The following CADM1 variants were observed in gnomAD, a reference collection of about 807,000 sequenced individuals.
The protein encoded by CADM1 is TSLC-1.
In CADM1, 15 loss-of-function variants were observed where a neutral mutation model predicts 53.1. The ratio of observed to expected loss-of-function variants is 0.28; its 90% confidence interval spans 0.19 to 0.44. CADM1 has a LOEUF of 0.44. Ranked by LOEUF, CADM1 falls within the 20% of genes least tolerant of loss-of-function variation. The pLI is 1.00. For synonymous variants in CADM1, 281 were observed against 243.0 expected, an observed-to-expected ratio of 1.16 and a Z score of -1.45; for missense variants, 434 against 611.3, an observed-to-expected ratio of 0.71 and a Z score of 3.06.
chr11:115,430,772 G>A (rs1345779735), intron 1 of CADM1, among the ~76,000 whole-genome samples: 4 of 151,982 alleles, frequency 2.6e-5, no homozygotes, highest in South Asian at 2.1e-4. Context: ...TGTATAGCAC[G>A]GTTGACAGCT....
chr11:115,344,570 C>T (rs1945528501), intron 1 of CADM1, among the ~76,000 whole-genome samples: 1 of 152,138 alleles, frequency 6.6e-6, no homozygotes, highest in South Asian at 2.1e-4. Flanking sequence ...TCCACTGAGG[C>T]CAGACAAAAC....
At chr11:115,207,287 A>G (rs1444670051) in intron 8 of CADM1, 1 of 152,198 alleles carries the variant, frequency 6.6e-6, no homozygotes, top group Non-Finnish European at 1.5e-5. Flanking sequence ...CATCTATGAG[A>G]TCATCTTACA....
At chr11:115,451,919 G>C (rs947189016) in intron 1 of CADM1, among the ~76,000 whole-genome samples, 1 of 151,710 alleles carries the variant, frequency 6.6e-6, no homozygotes, top group African/African-American at 2.4e-5. Context: ...GGGGCTGGAG[G>C]GGAAAAAAAA....
At chr11:115,291,309 C>A (rs1004092117) in intron 1 of CADM1, among the ~76,000 whole-genome samples, 1 of 152,134 alleles carries the variant, frequency 6.6e-6, no homozygotes, top group Admixed American at 6.5e-5. Flanking sequence ...GAATTTCTTT[C>A]TCCAGAGGCT....
intron 3 of CADM1, among the ~76,000 whole-genome samples, chr11:115,237,778 T>C (rs189706249): frequency 3.3e-5 from 5 of 152,172 alleles, no homozygotes; most frequent in Non-Finnish European, 7.3e-5. Flanking sequence ...CATAGAAATA[T>C]CTGCTGACTA....
At chr11:115,295,344 T>G (rs1166343413) in intron 1 of CADM1, among the ~76,000 whole-genome samples, 1 of 151,472 alleles carries the variant, frequency 6.6e-6, no homozygotes, top group African/African-American at 2.4e-5. Flanking sequence ...TCACTTGCCC[T>G]GCCTTTGTAC....
chr11:115,191,980 T>A (rs1043367732), intron 9 of CADM1, among the ~76,000 whole-genome samples: 4 of 152,230 alleles, frequency 2.6e-5, no homozygotes, highest in Admixed American at 1.3e-4. Context: ...ATCTTTCCCT[T>A]CTGCTACAGC....
At chr11:115,283,584 A>G (rs1565342725) in intron 1 of CADM1, among the ~76,000 whole-genome samples, 1 of 152,250 alleles carries the variant, frequency 6.6e-6, no homozygotes, top group Non-Finnish European at 1.5e-5. Context: ...GGGTTTAAAA[A>G]GGCAGCATAA....
chr11:115,229,079 C>G, intron 5 of CADM1, 34 bp downstream of exon 5: 3 of 1,611,276 alleles, frequency 1.9e-6, no homozygotes, highest in Non-Finnish European at 2.5e-6. Context: ...AACTGCAACT[C>G]TACGCCCTCA....
At chr11:115,229,079 C>A (rs756059441) in intron 5 of CADM1, 34 bp downstream of exon 5, 1 of 1,611,276 alleles carries the variant, frequency 6.2e-7, no homozygotes, top group Non-Finnish European at 8.5e-7. Flanking sequence ...AACTGCAACT[C>A]TACGCCCTCA....
intron 1 of CADM1, among the ~76,000 whole-genome samples, chr11:115,388,451 G>A (rs1946755087): frequency 6.6e-6 from 1 of 152,114 alleles, no homozygotes; most frequent in Admixed American, 6.6e-5. Context: ...TGCTCTTAAA[G>A]TGCCTTCCCA....
chr11:115,403,674 G>A (rs1947222057), intron 1 of CADM1, among the ~76,000 whole-genome samples: 1 of 151,922 alleles, frequency 6.6e-6, no homozygotes, highest in Non-Finnish European at 1.5e-5. Context: ...TCGGCTTACT[G>A]CAACCTCCAC....
chr11:115,379,381 G>C (rs1946520262), intron 1 of CADM1, among the ~76,000 whole-genome samples: 1 of 152,190 alleles, frequency 6.6e-6, no homozygotes, highest in African/African-American at 2.4e-5. Context: ...CTATAGAAAG[G>C]TTGGGTTGAG....
chr11:115,404,498 A>G (rs1369976975), intron 1 of CADM1, among the ~76,000 whole-genome samples: 6 of 149,060 alleles, frequency 4.0e-5, no homozygotes, highest in African/African-American at 1.5e-4. Flanking sequence ...TTATGACCTC[A>G]GAAGTAGGAA....
At chr11:115,290,955 T>C (rs1739001375) in intron 1 of CADM1, among the ~76,000 whole-genome samples, 1 of 152,190 alleles carries the variant, frequency 6.6e-6, no homozygotes, top group Admixed American at 6.5e-5. Context: ...CCAAATAGAA[T>C]AGCGCAGATC....
chr11:115,452,258 T>A (rs1252550692), intron 1 of CADM1, among the ~76,000 whole-genome samples: 1 of 152,142 alleles, frequency 6.6e-6, no homozygotes, highest in Admixed American at 6.5e-5. Context: ...CTTGTTCAGA[T>A]GACCCAAGAT....
intron 1 of CADM1, among the ~76,000 whole-genome samples, chr11:115,257,136 T>C (rs1244685374): frequency 6.6e-6 from 1 of 152,166 alleles, no homozygotes; most frequent in Non-Finnish European, 1.5e-5. Flanking sequence ...CTTCCAACTT[T>C]ATACGGTAGT....
At position 115,214,668 on chromosome 11, in the gene CADM1, G is replaced by A. The variant is rs1941100897; in HGVS notation, c.934C>T (p.Arg312Cys). The change falls in exon 7 of 12, where the codon CGC (arginine) becomes TGC (cysteine). Residue 312 changes from arginine (R) to cysteine (C), a missense_variant. By Grantham distance (180) the Arg-to-Cys change is radical. Transcript: ENST00000331581. ...CCCACTATGTTTGAAGCTTCACAGC[G>A]GTATGTACCATTATCTGTTTTGTTT... ...NLNKTDNGTYRCEASNIVGKA... is the reference protein window; with the variant it reads ...NLNKTDNGTYCCEASNIVGKA... 1 of 1,613,940 alleles carries A rather than the reference G, an allele frequency of 6.2e-7. No individual in the cohort carries two copies. The highest frequency in any genetic ancestry group is 8.5e-7 in the Non-Finnish European group (1 of 1,179,904).
chr11:115,310,116 A>G (rs1346979864), intron 1 of CADM1, among the ~76,000 whole-genome samples: 2 of 152,188 alleles, frequency 1.3e-5, no homozygotes, highest in Non-Finnish European at 2.9e-5. Flanking sequence ...AAGGTAAGAA[A>G]GAATCATATA....
Sources: gnomAD v4.1 joint callset for allele counts (sites outside exome capture counted in the v4.1 genomes callset) on GRCh38, gnomAD v4.1.1 for gene constraint, MANE v1.5 for transcripts, NCBI Gene and HGNC (gene_info 2026-07-23, HGNC 2026-07-21) for gene names.